The following LRBA variants were observed in gnomAD, a reference collection of about 807,000 sequenced individuals.
LRBA encodes the protein LPS responsive beige-like anchor protein, also known as lipopolysaccharide-responsive and beige-like anchor protein.
A neutral mutation model predicts 330.0 loss-of-function variants in LRBA; 176 were observed. The observed-to-expected ratio is 0.53, with a 90% CI of 0.47 to 0.60. The LOEUF is 0.60. Ranked by LOEUF, LRBA falls within the 20% of genes least tolerant of loss-of-function variation. The probability of loss-of-function intolerance (pLI) is 0.00; values close to 1 mark genes in which losing one functional copy is unlikely to be tolerated. For missense variants in LRBA, 3,259 were observed against 3,444.8 expected (o/e 0.95, Z 1.35); for synonymous variants, 1,230 against 1,193.0 (o/e 1.03, Z -0.64).
intron 36 of LRBA, among the ~76,000 whole-genome samples, chr4:150,693,863 T>G (rs1367430085): frequency 6.6e-6 from 1 of 152,146 alleles, no homozygotes; most frequent in Admixed American, 6.5e-5. Flanking sequence ...TTTATTAAGT[T>G]TGCAATTAAG....
chr4:151,007,504 CA>C (rs1381377896), intron 2 of LRBA, among the ~76,000 whole-genome samples: 25 of 58,256 alleles, frequency 4.3e-4, no homozygotes, highest in East Asian at 1.1e-3. Context: ...GACTCTGTCT[CA>C]AAAAAAAAAA....
rs1305413252 is a variant in LRBA at position 150,651,513 on chromosome 4, T to G, written c.5921+32038A>C. Among the ~76,000 whole-genome samples, 2 of 152,234 alleles carry G rather than the reference T, an allele frequency of 1.3e-5. 1 individual carries two copies. Among genetic ancestry groups the G allele is most frequent in the Non-Finnish European group, 2.9e-5 (2 of 68,044 alleles). On this transcript the variant is annotated intron_variant, in intron 37 of 56. Transcript: ENST00000651943. Reference sequence around the variant, plus strand: ...GCTACCACAGAGTTCATTCATTCATTGGTTTCTGTACCAATTCCCACACAA... The same window carrying G: ...GCTACCACAGAGTTCATTCATTCATGGGTTTCTGTACCAATTCCCACACAA...
intron 37 of LRBA, among the ~76,000 whole-genome samples, chr4:150,662,089 C>CTAAAATACACT (rs1223520918): frequency 6.6e-6 from 1 of 152,088 alleles, no homozygotes; most frequent in Non-Finnish European, 1.5e-5. Flanking sequence ...GAGCAAGTGT[C>CTAAAATACACT]TAAAATACAC....
rs114185630 is a variant in LRBA, at chr4:150,518,121, T to A, written c.6331-27086A>T. Reference sequence around the variant, plus strand: ...CTTCGAGGAATCATTTTACAGCTTCTCTTTAGCATATCTCAATTGCCAACA... The same window carrying A: ...CTTCGAGGAATCATTTTACAGCTTCACTTTAGCATATCTCAATTGCCAACA... On this transcript the variant is annotated intron_variant, in intron 40 of 56. Coordinates refer to ENST00000651943, the MANE Select transcript of LRBA (RefSeq NM_001364905.1). Among the ~76,000 whole-genome samples the A allele has an allele frequency of 4.2e-3, 644 of 152,338 alleles. 3 individuals are homozygous for A. The highest frequency in any genetic ancestry group is 0.015 in the African/African-American group (623 of 41,580).
intron 17 of LRBA, among the ~76,000 whole-genome samples, chr4:150,882,367 T>C (rs1247652888): frequency 1.3e-5 from 2 of 152,140 alleles, no homozygotes; most frequent in East Asian, 3.9e-4. Context: ...TCTTATTTAA[T>C]GCACAAAAAA....
chr4:150,403,070 T>C (rs1265567731), intron 47 of LRBA, among the ~76,000 whole-genome samples: 6 of 152,240 alleles, frequency 3.9e-5, no homozygotes, highest in African/African-American at 1.4e-4. Flanking sequence ...CAGTCATTTA[T>C]CGGGTAACCC....
chr4:150,636,966 C>A (rs1777986355), intron 37 of LRBA, among the ~76,000 whole-genome samples: 1 of 151,944 alleles, frequency 6.6e-6, no homozygotes, highest in African/African-American at 2.4e-5. Flanking sequence ...TTTTTTGATG[C>A]CAATAATATG....
At chr4:150,968,415 A>G (rs1417441518) in intron 2 of LRBA, among the ~76,000 whole-genome samples, 2 of 152,244 alleles carry the variant, frequency 1.3e-5, no homozygotes, top group African/African-American at 4.8e-5. Flanking sequence ...CCAAGTGTGA[A>G]TGCAAAGGGA....
intron 37 of LRBA, among the ~76,000 whole-genome samples, chr4:150,608,858 G>A (rs760977018): frequency 6.6e-6 from 1 of 152,184 alleles, no homozygotes. Flanking sequence ...CATACAATAT[G>A]TAGAATTGTG....
intron 35 of LRBA, among the ~76,000 whole-genome samples, chr4:150,758,508 T>C (rs1734616922): frequency 6.6e-6 from 1 of 151,920 alleles, no homozygotes; most frequent in African/African-American, 2.4e-5. Context: ...GCTAGCAACC[T>C]TGTCCCAGTC....
intron 40 of LRBA, among the ~76,000 whole-genome samples, chr4:150,578,732 T>C (rs1187825265): frequency 1.3e-5 from 2 of 152,226 alleles, no homozygotes; most frequent in Non-Finnish European, 2.9e-5. Flanking sequence ...CTACATTCTT[T>C]ATGTTCCTAA....
intron 28 of LRBA, among the ~76,000 whole-genome samples, chr4:150,839,439 T>A (rs1748697078): frequency 6.6e-6 from 1 of 152,200 alleles, no homozygotes; most frequent in South Asian, 2.1e-4. Context: ...CATGCACACG[T>A]ATGTTCACTG....
chr4:150,375,775 A>C (rs1741224211), intron 47 of LRBA, among the ~76,000 whole-genome samples: 1 of 151,096 alleles, frequency 6.6e-6, no homozygotes, highest in Non-Finnish European at 1.5e-5. Context: ...ACACTAATGC[A>C]CTCTTCTATC....
intron 40 of LRBA, chr4:150,579,777 T>A (rs867039809): frequency 7.3e-5 from 33 of 453,630 alleles, no homozygotes; most frequent in Middle Eastern, 9.6e-4. Context: ...GGCGGAGCCA[T>A]GCGAACCAAC....
chr4:150,645,216 C>A (rs1347491765), intron 37 of LRBA, among the ~76,000 whole-genome samples: 1 of 99,178 alleles, frequency 1.0e-5, no homozygotes, highest in Non-Finnish European at 2.2e-5. Context: ...TTTTTTTTTT[C>A]TGAGAAAAAA....
chr4:150,671,332 C>A (rs1188561662), intron 37 of LRBA, among the ~76,000 whole-genome samples: 1 of 152,156 alleles, frequency 6.6e-6, no homozygotes, highest in Non-Finnish European at 1.5e-5. Context: ...CATATTAGCT[C>A]CTTCACCTTT....
intron 48 of LRBA, among the ~76,000 whole-genome samples, chr4:150,335,348 A>G (rs1734518187): frequency 6.6e-6 from 1 of 151,522 alleles, no homozygotes; most frequent in Non-Finnish European, 1.5e-5. Context: ...TCTAACTACC[A>G]AAGTATATAG....
chr4:150,415,630 A>G lies in LRBA; in HGVS notation c.7042-40T>C. 4.2e-6 allele frequency: 5 copies of G among 1,200,478 alleles called. No homozygotes were observed. The Middle Eastern group carries it at 9.7e-4, about 232-fold the overall frequency. 74.4% of individuals were successfully genotyped at this position (1,200,478 alleles called of 1,614,324 possible). A position where few individuals can be genotyped will look rare whatever the true frequency, so the allele number is the denominator to read the frequency against. ...AAGACAATGTGATATTATAAACTGTAGGATACTGACTAGATATTCAAAAAA... is the reference window on the plus strand; with the variant it reads ...AAGACAATGTGATATTATAAACTGTGGGATACTGACTAGATATTCAAAAAA... On this transcript the variant is annotated intron_variant, in intron 46 of 56. Transcript: ENST00000651943.
At chr4:150,357,549 T>C (rs567274888) in intron 47 of LRBA, among the ~76,000 whole-genome samples, 1 of 152,088 alleles carries the variant, frequency 6.6e-6, no homozygotes, top group South Asian at 2.1e-4. Context: ...AAACATTTAA[T>C]TAACATTTCA....
Sources: gnomAD v4.1 joint callset for allele counts (sites outside exome capture counted in the v4.1 genomes callset) on GRCh38, gnomAD v4.1.1 for gene constraint, MANE v1.5 for transcripts, NCBI Gene and HGNC (gene_info 2026-07-23, HGNC 2026-07-21) for gene names.